TBC1D4: variants seen among roughly 807,000 people sequenced by gnomAD.
The protein encoded by TBC1D4 is TBC (Tre-2, BUB2, CDC16) domain-containing protein.
A neutral mutation model predicts 142.5 loss-of-function variants in TBC1D4; 121 were observed. The observed-to-expected ratio is 0.85, with a 90% CI of 0.73 to 0.99. TBC1D4 has a LOEUF of 0.99. Ranked by LOEUF, TBC1D4 falls within the 50% of genes least tolerant of loss-of-function variation. The probability of loss-of-function intolerance (pLI) is 0.00; values close to 1 mark genes in which losing one functional copy is unlikely to be tolerated. For missense variants in TBC1D4, 1,475 were observed against 1,606.6 expected (o/e 0.92, Z 1.40); for synonymous variants, 630 against 628.2 (o/e 1.00, Z -0.04).
At chr13:75,401,886 T>C (rs1320698361) in intron 1 of TBC1D4, among the ~76,000 whole-genome samples, 1 of 152,204 alleles carries the variant, frequency 6.6e-6, no homozygotes, top group African/African-American at 2.4e-5. Context: ...AATGAAGGAA[T>C]GTTTCAATTA....
chr13:75,395,677 A>C (rs1782463017), intron 1 of TBC1D4, among the ~76,000 whole-genome samples: 1 of 152,062 alleles, frequency 6.6e-6, no homozygotes, highest in Non-Finnish European at 1.5e-5. Context: ...CTAAAAATAC[A>C]AAATCAGCCA....
intron 7 of TBC1D4, 125 bp from the exon 8 acceptor site, chr13:75,337,165 T>A: frequency 1.2e-6 from 1 of 856,164 alleles, no homozygotes; most frequent in Non-Finnish European, 1.9e-6. Context: ...TATTAATAAG[T>A]AATAATTTAG....
At chr13:75,390,057 G>A (rs529373032) in intron 1 of TBC1D4, among the ~76,000 whole-genome samples, 1 of 151,898 alleles carries the variant, frequency 6.6e-6, no homozygotes, top group African/African-American at 2.4e-5. Flanking sequence ...AGGCAGATCA[G>A]TTGGGGTCAG....
intron 1 of TBC1D4, among the ~76,000 whole-genome samples, chr13:75,417,754 T>C (rs911707047): frequency 6.6e-6 from 1 of 152,234 alleles, no homozygotes; most frequent in African/African-American, 2.4e-5. Context: ...CAGTGATTCA[T>C]GTGTTAGCAA....
intron 1 of TBC1D4, among the ~76,000 whole-genome samples, chr13:75,397,161 T>C (rs1243012726): frequency 6.6e-6 from 1 of 151,926 alleles, no homozygotes; most frequent in Non-Finnish European, 1.5e-5. Context: ...AAAAAAATGG[T>C]AAGCAGAAAC....
intron 1 of TBC1D4, among the ~76,000 whole-genome samples, chr13:75,469,259 G>A (rs1382247254): frequency 2.6e-5 from 4 of 152,116 alleles, no homozygotes; most frequent in African/African-American, 4.8e-5. Flanking sequence ...AGTCACACAC[G>A]ATCACATGAT....
intron 8 of TBC1D4, among the ~76,000 whole-genome samples, chr13:75,332,600 C>T (rs1021648971): frequency 6.6e-6 from 1 of 151,912 alleles, no homozygotes; most frequent in African/African-American, 2.4e-5. Context: ...GACCCCACCC[C>T]GAGAGTTTCT....
At chr13:75,351,016 C>G (rs960655096) in intron 4 of TBC1D4, among the ~76,000 whole-genome samples, 4 of 152,128 alleles carry the variant, frequency 2.6e-5, no homozygotes, top group Non-Finnish European at 4.4e-5. Flanking sequence ...GATACAACTG[C>G]AACAAAGTTA....
At chr13:75,418,230 G>A (rs4576949) in intron 1 of TBC1D4, among the ~76,000 whole-genome samples, 13,809 of 152,156 alleles carry the variant, frequency 0.091, 704 homozygotes, top group Middle Eastern at 0.14. Context: ...AAGCCCCACC[G>A]ATATAGCATT....
intron 1 of TBC1D4, among the ~76,000 whole-genome samples, chr13:75,370,927 G>A (rs1207620399): frequency 6.6e-6 from 1 of 152,162 alleles, no homozygotes; most frequent in Non-Finnish European, 1.5e-5. Flanking sequence ...CAGAAACACA[G>A]AGGGGGTTAT....
intron 8 of TBC1D4, among the ~76,000 whole-genome samples, chr13:75,331,199 A>G (rs759282958): frequency 5.3e-5 from 8 of 152,164 alleles, no homozygotes; most frequent in Non-Finnish European, 1.2e-4. Context: ...TGCACTTTAT[A>G]TTAGTAAATA....
chr13:75,314,320 G>A (rs1878070083), intron 12 of TBC1D4, among the ~76,000 whole-genome samples: 1 of 152,098 alleles, frequency 6.6e-6, no homozygotes, highest in South Asian at 2.1e-4. Context: ...CAGTGCTGAG[G>A]TCAGAAATAA....
At chr13:75,356,068 G>T in intron 4 of TBC1D4, 79 bp downstream of exon 4, 1 of 1,067,700 alleles carries the variant, frequency 9.4e-7, no homozygotes, top group Non-Finnish European at 1.4e-6. Flanking sequence ...ATATTGCAAG[G>T]CTTGGGCTCC....
chr13:75,458,303 A>G (rs1887824759), intron 1 of TBC1D4, among the ~76,000 whole-genome samples: 1 of 152,102 alleles, frequency 6.6e-6, no homozygotes, highest in Admixed American at 6.5e-5. Flanking sequence ...CCCCCAGCCG[A>G]ACTCTCAACG....
chr13:75,481,164 A>T, intron 1 of TBC1D4, 106 bp downstream of exon 1: 1 of 1,454,688 alleles, frequency 6.9e-7, no homozygotes, highest in South Asian at 1.4e-5. Context: ...GCGCGCCTGC[A>T]GCCAAACCTC....
intron 1 of TBC1D4, among the ~76,000 whole-genome samples, chr13:75,387,389 G>A (rs1036377665): frequency 1.3e-5 from 2 of 152,158 alleles, no homozygotes; most frequent in African/African-American, 4.8e-5. Context: ...GTGGCAATGC[G>A]AAATCTGAAA....
At chr13:75,410,034 C>A (rs527637551) in intron 1 of TBC1D4, among the ~76,000 whole-genome samples, 1 of 152,314 alleles carries the variant, frequency 6.6e-6, no homozygotes, top group East Asian at 1.9e-4. Flanking sequence ...TTGCCACTTA[C>A]CTTAAAACTC....
chr13:75,384,055 C>T (rs1286009084), intron 1 of TBC1D4, among the ~76,000 whole-genome samples: 4 of 151,948 alleles, frequency 2.6e-5, no homozygotes, highest in Middle Eastern at 3.4e-3. Context: ...AGCACACCAC[C>T]TGCACATTGT....
At position 75,349,645 on chromosome 13, in the gene TBC1D4, C is replaced by G. The variant is rs140865186; in HGVS notation, c.1276-343G>C. Among the ~76,000 whole-genome samples, 15 of 152,206 alleles carry G rather than the reference C, an allele frequency of 9.9e-5. No homozygotes were observed. The East Asian group carries it at 2.9e-3, about 29-fold the overall frequency. On this transcript the variant is annotated intron_variant, in intron 4 of 20. Transcript: ENST00000377636. ...ATTATATGCTTTATCAGATAAAGAT[C>G]CTTTTGGAAGTTTTGTCTGCCACTT...
Sources: allele counts gnomAD v4.1 joint callset (sites outside exome capture counted in the v4.1 genomes callset), GRCh38; gene constraint gnomAD v4.1.1; transcripts MANE v1.5; gene names NCBI Gene and HGNC (gene_info 2026-07-23, HGNC 2026-07-21).